Variants in CWF19L2 observed in about 807,000 individuals in gnomAD.
CWF19L2 encodes the protein CWF19-like protein 2.
In CWF19L2, 98 loss-of-function variants were observed where a neutral mutation model predicts 111.7. That is an observed-to-expected ratio of 0.88 (90% confidence interval 0.75 to 1.04). The LOEUF (loss-of-function observed/expected upper bound fraction) is 1.04. Ranked by LOEUF, CWF19L2 falls within the 50% of genes least tolerant of loss-of-function variation. The pLI is 0.00. For synonymous variants in CWF19L2, 351 were observed against 342.9 expected, an observed-to-expected ratio of 1.02 and a Z score of -0.26; for missense variants, 1,101 against 1,051.4, an observed-to-expected ratio of 1.05 and a Z score of -0.65.
rs1365898763 is a variant in CWF19L2 at position 107,457,698 on chromosome 11, C to T, written c.105+14G>A. The T allele has an allele frequency of 7.8e-6, 12 of 1,545,124 alleles. No individual in the cohort carries two copies. The highest frequency in any genetic ancestry group is 3.6e-5 in the South Asian group (3 of 83,942). On this transcript the variant is annotated intron_variant, in intron 1 of 17. Transcript: ENST00000282251. ...CAACAATAAATAACTACAAAAGCCC[C>T]AAAACAGAGGTACCTGGCGCAACAC...
intron 12 of CWF19L2, among the ~76,000 whole-genome samples, chr11:107,361,327 C>A (rs112190638): frequency 6.6e-6 from 1 of 152,164 alleles, no homozygotes; most frequent in East Asian, 1.9e-4. Flanking sequence ...CTATTGTTTA[C>A]GTCAGTACCA....
At chr11:107,371,254 C>A (rs960179032) in intron 12 of CWF19L2, among the ~76,000 whole-genome samples, 1 of 137,090 alleles carries the variant, frequency 7.3e-6, no homozygotes, top group African/African-American at 2.9e-5. Context: ...CTGCCCGCCT[C>A]GGCCTCCCAA....
At chr11:107,333,487 T>C (rs564624450) in intron 16 of CWF19L2, among the ~76,000 whole-genome samples, 1 of 152,314 alleles carries the variant, frequency 6.6e-6, no homozygotes, top group Non-Finnish European at 1.5e-5. Flanking sequence ...AAAGAATACT[T>C]AACAGCATGA....
intron 12 of CWF19L2, among the ~76,000 whole-genome samples, chr11:107,356,821 T>A (rs1290524384): frequency 6.6e-6 from 1 of 152,156 alleles, no homozygotes; most frequent in African/African-American, 2.4e-5. Context: ...GCGGATCACC[T>A]GAGGTTGGGA....
intron 3 of CWF19L2, among the ~76,000 whole-genome samples, chr11:107,452,850 A>G (rs1565291459): frequency 6.6e-6 from 1 of 152,106 alleles, no homozygotes. Flanking sequence ...TCTGTACTAC[A>G]TCTGTAGTCA....
intron 14 of CWF19L2, among the ~76,000 whole-genome samples, chr11:107,340,955 A>C (rs952809863): frequency 6.6e-6 from 1 of 152,304 alleles, no homozygotes; most frequent in Middle Eastern, 3.4e-3. Flanking sequence ...ATATTTACAA[A>C]TTTGTCTTCC....
chr11:107,355,415 CAAAAA>C (rs5794543), intron 12 of CWF19L2, among the ~76,000 whole-genome samples: 1 of 141,510 alleles, frequency 7.1e-6, no homozygotes, highest in African/African-American at 2.5e-5. Flanking sequence ...AACTCCGTCT[CAAAAA>C]AAAAAAAAAC....
chr11:107,339,001 C>T (rs920232480), intron 14 of CWF19L2, among the ~76,000 whole-genome samples: 5 of 152,180 alleles, frequency 3.3e-5, no homozygotes, highest in Non-Finnish European at 5.9e-5. Flanking sequence ...CTGTTTTCCA[C>T]AATGGTTGAA....
intron 3 of CWF19L2, among the ~76,000 whole-genome samples, chr11:107,443,822 A>G (rs2135423545): frequency 6.6e-6 from 1 of 152,340 alleles, no homozygotes; most frequent in Non-Finnish European, 1.5e-5. Context: ...CTGAAGCTTT[A>G]TACCAATTCC....
chr11:107,406,100 G>T (rs1861073640), intron 10 of CWF19L2, among the ~76,000 whole-genome samples: 1 of 152,170 alleles, frequency 6.6e-6, no homozygotes, highest in African/African-American at 2.4e-5. Flanking sequence ...CTACTTGTAT[G>T]TAATACGCTG....
At chr11:107,362,343 G>C (rs549665723) in intron 12 of CWF19L2, among the ~76,000 whole-genome samples, 18 of 151,908 alleles carry the variant, frequency 1.2e-4, no homozygotes, top group African/African-American at 4.4e-4. Context: ...AGGACTGCCT[G>C]CCTCTGTAGG....
chr11:107,356,306 T>C (rs1860236584), intron 12 of CWF19L2, among the ~76,000 whole-genome samples: 1 of 152,094 alleles, frequency 6.6e-6, no homozygotes, highest in Non-Finnish European at 1.5e-5. Context: ...AAATCAATGA[T>C]GCCAACTGCC....
intron 8 of CWF19L2, among the ~76,000 whole-genome samples, 162 bp from the exon 9 acceptor site, chr11:107,418,449 AATTG>A (rs1366006042): frequency 6.6e-6 from 1 of 152,192 alleles, no homozygotes; most frequent in Admixed American, 6.5e-5. Flanking sequence ...TTTTTCCACA[AATTG>A]ATAAAGTTCT....
chr11:107,447,138 G>A (rs1861712225), intron 3 of CWF19L2, among the ~76,000 whole-genome samples: 1 of 152,130 alleles, frequency 6.6e-6, no homozygotes, highest in Non-Finnish European at 1.5e-5. Flanking sequence ...ATACAAATTG[G>A]AATAAAAATG....
Position 107,429,415 on chromosome 11 carries a change from C to T in CWF19L2, c.817G>A (p.Glu273Lys). The T allele has an allele frequency of 6.4e-7, 1 of 1,565,998 alleles. No homozygotes were observed. The change falls in exon 8 of 18, where the codon GAA becomes AAA. Residue 273 changes from glutamate (E) to lysine (K), a missense_variant. Transcript: ENST00000282251. ...TCTTCTTTCGTGGATGCAGCTTTTT[C>T]AGCATCTTCTAATTTTGACTGAAAT... is the stretch of plus-strand genomic sequence containing the variant. ...EIFQSKLEDA[E>K]KAASTKEDYR...
chr11:107,350,813 T>C (rs1215927617), intron 13 of CWF19L2, among the ~76,000 whole-genome samples: 2 of 152,008 alleles, frequency 1.3e-5, no homozygotes, highest in East Asian at 3.9e-4. Context: ...AGTTACCTTC[T>C]AGGGTAACAT....
chr11:107,402,787 T>G (rs1861019723), intron 10 of CWF19L2, among the ~76,000 whole-genome samples: 2 of 150,050 alleles, frequency 1.3e-5, no homozygotes, highest in Admixed American at 1.3e-4. Flanking sequence ...ACACGCATGT[T>G]TATTGCAGCA....
In CWF19L2 at chr11:107,442,838, G is replaced by A. The variant is rs564372941; in HGVS notation, c.450+101C>T. ...AGGGAGGGGGAGGGAGGGAGAGAGG[G>A]ACAGAGAGGGAGGGAGGGATAGAGA... On this transcript the variant is annotated intron_variant, in intron 4 of 17. Transcript: ENST00000282251. The A allele has an allele frequency of 5.3e-4, 311 of 587,144 alleles. 3 individuals carry two copies. The South Asian group carries it at 5.8e-3, about 11-fold the overall frequency. The allele number at this position is 587,144 out of a possible 1,614,324, so 36.4% of individuals were successfully genotyped here. A position where few individuals can be genotyped will look rare whatever the true frequency, so the allele number is the denominator to read the frequency against.
At chr11:107,448,668 C>A (rs951405281) in intron 3 of CWF19L2, among the ~76,000 whole-genome samples, 1 of 152,086 alleles carries the variant, frequency 6.6e-6, no homozygotes, top group East Asian at 1.9e-4. Flanking sequence ...TCCTGACTCC[C>A]AAGACAATGA....
Sources: gnomAD v4.1 joint callset for allele counts (sites outside exome capture counted in the v4.1 genomes callset) on GRCh38, gnomAD v4.1.1 for gene constraint, MANE v1.5 for transcripts, NCBI Gene and HGNC (gene_info 2026-07-23, HGNC 2026-07-21) for gene names.